The following COG6 variants were observed in gnomAD, a reference collection of about 807,000 sequenced individuals.
The protein encoded by COG6 is component of oligomeric golgi complex 6.
Under a neutral mutation model 88.8 loss-of-function variants are expected in COG6, and 74 were observed. The ratio of observed to expected loss-of-function variants is 0.83; its 90% CI spans 0.69 to 1.01. The LOEUF is 1.01. COG6 is among the 50% of genes least tolerant of loss of function. The pLI is 0.00. For synonymous variants in COG6, 286 were observed against 278.7 expected (o/e 1.03, Z -0.26); for missense variants, 800 against 797.9 (o/e 1.00, Z -0.03).
At chr13:39,739,654 A>G (rs1246649612) in intron 18 of COG6, among the ~76,000 whole-genome samples, 1 of 152,148 alleles carries the variant, frequency 6.6e-6, no homozygotes, top group African/African-American at 2.4e-5. Context: ...GTACCATGAC[A>G]CTATGTTGGA....
rs10684632 is a variant in COG6, at chr13:39,715,256, C to CCT, written c.1285-3965_1285-3964dup. ...TTGCTTCCAAAAGACACTATATACT[C>CCT]CTCTCTCTCTCTCTCTATACACACA... On this transcript the variant is annotated intron_variant, in intron 13 of 18. Coordinates refer to ENST00000455146, the MANE Select transcript of COG6 (RefSeq NM_020751.3). Among the ~76,000 whole-genome samples, 1,113 of 147,920 alleles carry CCT rather than the reference C, an allele frequency of 7.5e-3. 3 individuals carry two copies. Among genetic ancestry groups the CCT allele is most frequent in the Non-Finnish European group, 0.013 (841 of 66,270 alleles).
At chr13:39,764,250 C>A (rs1566043476) in intron 18 of COG6, among the ~76,000 whole-genome samples, 1 of 151,130 alleles carries the variant, frequency 6.6e-6, no homozygotes, top group Non-Finnish European at 1.5e-5. Context: ...TTCTTTCTTT[C>A]TTTTTTTCCT....
At chr13:39,659,003 C>T (rs563451467) in intron 1 of COG6, among the ~76,000 whole-genome samples, 1 of 152,116 alleles carries the variant, frequency 6.6e-6, no homozygotes, top group South Asian at 2.1e-4. Flanking sequence ...TGATGTTTCA[C>T]TTAACATATC....
At chr13:39,757,715 C>G (rs1167341466) in intron 18 of COG6, among the ~76,000 whole-genome samples, 2 of 152,034 alleles carry the variant, frequency 1.3e-5, no homozygotes, top group African/African-American at 4.8e-5. Flanking sequence ...AAAATCAACT[C>G]AAGAAGAAAT....
chr13:39,659,552 T>TA (rs774768041), intron 2 of COG6, 45 bp downstream of exon 2: 3 of 1,548,210 alleles, frequency 1.9e-6, no homozygotes, highest in Non-Finnish European at 2.7e-6. Flanking sequence ...AACTTACTAT[T>TA]ACGCCTGGCT....
chr13:39,744,570 G>A (rs931037880), intron 18 of COG6, among the ~76,000 whole-genome samples: 9 of 152,130 alleles, frequency 5.9e-5, no homozygotes, highest in African/African-American at 2.2e-4. Context: ...ACCTCTTCAA[G>A]GAGAACTACA....
chr13:39,709,900 G>A (rs1044538890), intron 13 of COG6, among the ~76,000 whole-genome samples: 2 of 152,150 alleles, frequency 1.3e-5, no homozygotes, highest in African/African-American at 2.4e-5. Context: ...TCCCACTGCA[G>A]TGAAGTGGAA....
intron 1 of COG6, among the ~76,000 whole-genome samples, chr13:39,657,992 G>A (rs1407275383): frequency 1.3e-5 from 2 of 151,138 alleles, no homozygotes; most frequent in South Asian, 2.1e-4. Context: ...AACTGGTTCC[G>A]CTCTCACTAA....
chr13:39,684,261 T>TTTTTTTTTG (rs1876499907), intron 8 of COG6, among the ~76,000 whole-genome samples: 1 of 117,728 alleles, frequency 8.5e-6, no homozygotes, highest in Non-Finnish European at 1.8e-5. Context: ...TTTTTTTTTT[T>TTTTTTTTTG]TTTTTTTGAG....
intron 13 of COG6, among the ~76,000 whole-genome samples, chr13:39,706,235 T>C (rs1303468962): frequency 9.4e-6 from 1 of 106,452 alleles, no homozygotes; most frequent in Non-Finnish European, 2.1e-5. Context: ...ATATACTCCT[T>C]TATATATATA....
At chr13:39,656,052 G>C (rs1011465349) in intron 1 of COG6, 173 bp downstream of exon 1, 3 of 831,796 alleles carry the variant, frequency 3.6e-6, no homozygotes, top group Non-Finnish European at 6.1e-6. Flanking sequence ...GCGGTGAGAA[G>C]GGGGAGCCCC....
chr13:39,692,125 C>T (rs1188472576), intron 11 of COG6, among the ~76,000 whole-genome samples: 3 of 151,998 alleles, frequency 2.0e-5, no homozygotes, highest in Admixed American at 6.6e-5. Context: ...AAGATAAGAT[C>T]TGTAAACCTA....
Position 39,751,124 on chromosome 13 carries a change from G to A in COG6, c.*31G>A. 1 of 1,611,940 alleles carries A rather than the reference G, an allele frequency of 6.2e-7. No individual in the cohort carries two copies. The highest frequency in any genetic ancestry group is 8.5e-7 in the Non-Finnish European group (1 of 1,178,774). On this transcript the variant is annotated 3_prime_UTR_variant, in exon 19 of 19. Transcript: ENST00000455146. ...TTATTTCATTGTGTTAGCAAAATAT[G>A]ACCTCCCTAAAACACTGAAGGTTAT...
intron 1 of COG6, chr13:39,656,799 C>A (rs75556594): frequency 2.2e-6 from 1 of 455,646 alleles, no homozygotes. Flanking sequence ...TGAGTAAGTC[C>A]CTTCACTAAT....
chr13:39,713,110 C>G (rs1878329232), intron 13 of COG6, among the ~76,000 whole-genome samples: 1 of 152,180 alleles, frequency 6.6e-6, no homozygotes, highest in Non-Finnish European at 1.5e-5. Context: ...TCACATCATT[C>G]TGAGGATGCA....
At chr13:39,672,671 A>G (rs1875723321) in intron 4 of COG6, among the ~76,000 whole-genome samples, 2 of 152,024 alleles carry the variant, frequency 1.3e-5, no homozygotes, top group African/African-American at 4.8e-5. Flanking sequence ...GGTTATTTCC[A>G]CTATTTGACT....
intron 18 of COG6, 131 bp downstream of exon 18, chr13:39,727,679 T>G: frequency 1.3e-6 from 1 of 755,428 alleles, no homozygotes; most frequent in East Asian, 2.7e-5. Context: ...TCTCAACCTT[T>G]CTTCTGCCTT....
At chr13:39,714,537 A>T (rs1878419326) in intron 13 of COG6, among the ~76,000 whole-genome samples, 2 of 152,090 alleles carry the variant, frequency 1.3e-5, no homozygotes, top group African/African-American at 4.8e-5. Flanking sequence ...CAACATCACT[A>T]ATCAAGGAAA....
At chr13:39,779,367 C>A (rs988604249) in intron 18 of COG6, among the ~76,000 whole-genome samples, 1 of 152,190 alleles carries the variant, frequency 6.6e-6, no homozygotes, top group East Asian at 1.9e-4. Context: ...TCTCTTAAAT[C>A]GATCATTCCT....
Sources: gnomAD v4.1 joint callset for allele counts (sites outside exome capture counted in the v4.1 genomes callset) on GRCh38, gnomAD v4.1.1 for gene constraint, MANE v1.5 for transcripts, NCBI Gene and HGNC (gene_info 2026-07-23, HGNC 2026-07-21) for gene names.